The following NRXN3 variants were observed in gnomAD, a reference collection of about 807,000 sequenced individuals.
NRXN3 encodes neurexin III.
A neutral mutation model predicts 137.6 loss-of-function variants in NRXN3; 32 were observed. That is an observed-to-expected ratio of 0.23 (90% CI 0.18 to 0.31). The LOEUF (loss-of-function observed/expected upper bound fraction) is 0.31. Ranked by LOEUF, NRXN3 falls within the 10% of genes least tolerant of loss-of-function variation. The pLI is 1.00. For missense variants in NRXN3, 1,574 were observed against 2,062.5 expected, an observed-to-expected ratio of 0.76 and a Z score of 4.59; for synonymous variants, 798 against 784.5, an observed-to-expected ratio of 1.02 and a Z score of -0.29.
chr14:78,864,336 G>A (rs184606730), intron 10 of NRXN3, among the ~76,000 whole-genome samples: 61 of 152,038 alleles, frequency 4.0e-4, no homozygotes, highest in African/African-American at 1.3e-3. Context: ...TAACTCTATG[G>A]ATCTATATTT....
In NRXN3 at chr14:79,602,972, G is replaced by C. The variant is rs143344002; in HGVS notation, c.3445-60806G>C. On this transcript the variant is annotated intron_variant, in intron 16 of 20. Coordinates refer to ENST00000335750, the MANE Select transcript of NRXN3 (RefSeq NM_001330195.2). ...TGCTCACCTCCCCTGTGTGGAGCCT[G>C]GGAGCCTCTGAAGGCAAATCTTGAC... 3.6e-3 allele frequency among the ~76,000 whole-genome samples: 544 copies of C among 152,192 alleles called. 5 individuals are homozygous for C. The highest frequency in any genetic ancestry group is 0.012 in the African/African-American group (505 of 41,508).
intron 4 of NRXN3, among the ~76,000 whole-genome samples, chr14:78,320,575 G>C (rs1010356321): frequency 6.6e-6 from 1 of 152,182 alleles, no homozygotes; most frequent in Admixed American, 6.5e-5. Context: ...CAGAGGAATC[G>C]AAAGTGCTTG....
intron 19 of NRXN3, among the ~76,000 whole-genome samples, chr14:79,748,633 G>T (rs967890399): frequency 6.6e-6 from 1 of 152,042 alleles, no homozygotes; most frequent in African/African-American, 2.4e-5. Context: ...CCCCACATGT[G>T]CCTAGTAACT....
At chr14:78,911,500 A>G (rs2099237532) in intron 10 of NRXN3, among the ~76,000 whole-genome samples, 1 of 152,220 alleles carries the variant, frequency 6.6e-6, no homozygotes, top group Admixed American at 6.5e-5. Flanking sequence ...CATATTGTCA[A>G]TGAGTTCACT....
rs138789765 is a variant in NRXN3, at chr14:78,604,404, C to G, written c.758-40716C>G. Among the ~76,000 whole-genome samples the G allele has an allele frequency of 6.1e-3, 919 of 151,692 alleles. 13 individuals carry two copies. Among genetic ancestry groups the G allele is most frequent in the African/African-American group, 0.021 (880 of 41,364 alleles). ...GAATATCCCTAAATACTTACGGTAT[C>G]ATTGTAAAGAGAAATAACCCAAGAA... On this transcript the variant is annotated intron_variant, in intron 4 of 20. Coordinates refer to ENST00000335750, the MANE Select transcript of NRXN3 (RefSeq NM_001330195.2).
intron 16 of NRXN3, among the ~76,000 whole-genome samples, chr14:79,635,175 C>A (rs1161659026): frequency 6.6e-6 from 1 of 152,146 alleles, no homozygotes; most frequent in Non-Finnish European, 1.5e-5. Context: ...GGAAACATCA[C>A]ATTGTACCCC....
At chr14:79,204,779 C>T (rs1193453476) in intron 15 of NRXN3, among the ~76,000 whole-genome samples, 2 of 152,154 alleles carry the variant, frequency 1.3e-5, no homozygotes, top group Non-Finnish European at 2.9e-5. Flanking sequence ...TACTTATGCA[C>T]AGGGAAGGAA....
chr14:79,396,025 A>G (rs1372225100), intron 15 of NRXN3, among the ~76,000 whole-genome samples: 1 of 152,186 alleles, frequency 6.6e-6, no homozygotes, highest in African/African-American at 2.4e-5. Flanking sequence ...TGCTATGCAC[A>G]TATATACTAT....
chr14:78,296,524 A>G (rs967026943), intron 3 of NRXN3, among the ~76,000 whole-genome samples: 1 of 152,220 alleles, frequency 6.6e-6, no homozygotes, highest in Admixed American at 6.5e-5. Context: ...CAAAAGACCC[A>G]AAATGAATTT....
intron 10 of NRXN3, among the ~76,000 whole-genome samples, chr14:78,879,609 A>G (rs1263266213): frequency 6.6e-6 from 1 of 152,190 alleles, no homozygotes; most frequent in East Asian, 1.9e-4. Context: ...AATTCTTTAT[A>G]TATTTTAGAT....
chr14:79,358,414 C>A (rs2093508355), intron 15 of NRXN3, among the ~76,000 whole-genome samples: 1 of 151,232 alleles, frequency 6.6e-6, no homozygotes, highest in South Asian at 2.1e-4. Context: ...ACTAAAAATA[C>A]AGAAACAAAA....
chr14:79,072,433 GT>G (rs1447101004), intron 15 of NRXN3: 4 of 152,118 alleles, frequency 2.6e-5, no homozygotes, highest in East Asian at 1.9e-4. Flanking sequence ...GATACTGCTT[GT>G]TGTTGTTGTT....
intron 16 of NRXN3, among the ~76,000 whole-genome samples, chr14:79,536,222 G>T (rs1232859018): frequency 6.6e-6 from 1 of 152,110 alleles, no homozygotes; most frequent in East Asian, 1.9e-4. Context: ...AAGGGAGGAG[G>T]AATAAAATGA....
chr14:79,641,838 A>G (rs221466), intron 16 of NRXN3, among the ~76,000 whole-genome samples: 67,676 of 133,916 alleles, frequency 0.51, 25,565 homozygotes, highest in African/African-American at 0.82. Context: ...CTGCTTCATT[A>G]TAGGAACATT....
intron 8 of NRXN3, among the ~76,000 whole-genome samples, chr14:78,729,396 T>A (rs941511803): frequency 3.3e-5 from 5 of 152,162 alleles, no homozygotes. Context: ...TTTGTTCCTC[T>A]TCCAACCTTG....
chr14:78,649,990 A>G (rs138901780), intron 5 of NRXN3, among the ~76,000 whole-genome samples: 1 of 152,152 alleles, frequency 6.6e-6, no homozygotes, highest in African/African-American at 2.4e-5. Context: ...CAACCTACCA[A>G]TCATCAACCC....
intron 16 of NRXN3, among the ~76,000 whole-genome samples, chr14:79,632,794 A>G (rs2098368625): frequency 1.3e-5 from 2 of 152,076 alleles, no homozygotes; most frequent in East Asian, 1.9e-4. Context: ...ATATTAACCA[A>G]TTTCTCAAGA....
At chr14:78,281,751 A>G (rs1301610585) in intron 3 of NRXN3, among the ~76,000 whole-genome samples, 1 of 152,164 alleles carries the variant, frequency 6.6e-6, no homozygotes, top group African/African-American at 2.4e-5. Flanking sequence ...CTCAGCACAG[A>G]TGGAGAAAAG....
At chr14:79,699,593 G>A (rs570156616) in intron 19 of NRXN3, among the ~76,000 whole-genome samples, 2 of 151,984 alleles carry the variant, frequency 1.3e-5, no homozygotes, top group Admixed American at 6.6e-5. Flanking sequence ...GGAATAAACT[G>A]GGTGAGTTCC....
Sources: allele counts gnomAD v4.1 joint callset (sites outside exome capture counted in the v4.1 genomes callset), GRCh38; gene constraint gnomAD v4.1.1; transcripts MANE v1.5; gene names NCBI Gene and HGNC (gene_info 2026-07-23, HGNC 2026-07-21).